The following PACSIN1 variants were observed in gnomAD, a reference collection of about 807,000 sequenced individuals.
PACSIN1 encodes the protein protein kinase C and casein kinase substrate in neurons protein 1.
A neutral mutation model predicts 59.5 loss-of-function variants in PACSIN1; 15 were observed. That is an observed-to-expected ratio of 0.25 (90% confidence interval 0.17 to 0.39). The LOEUF (loss-of-function observed/expected upper bound fraction) is 0.39. Among genes scored for constraint, PACSIN1 ranks in the 10% least tolerant of loss-of-function variants. The pLI is 1.00. For missense variants in PACSIN1, 420 were observed against 580.2 expected, an observed-to-expected ratio of 0.72 and a Z score of 2.84; for synonymous variants, 210 against 220.6, an observed-to-expected ratio of 0.95 and a Z score of 0.42.
chr6:34,529,648 C>G lies in PACSIN1; in HGVS notation c.613-18C>G. The G allele has an allele frequency of 2.5e-6, 4 of 1,613,360 alleles. No homozygotes were observed. The highest frequency in any genetic ancestry group is 3.4e-6 in the Non-Finnish European group (4 of 1,179,422). On this transcript the variant is annotated intron_variant, in intron 5 of 9. Coordinates refer to ENST00000244458, the MANE Select transcript of PACSIN1 (RefSeq NM_020804.5). The surrounding 1 kb of genome is among the most constrained non-coding windows in gnomAD (Gnocchi z 6.3). ...GGCCTGGCTAGGTGTCACCCTCTCTCCACTCTGGTGCCCACAGACACAGGA... is the reference window on the plus strand; with the variant it reads ...GGCCTGGCTAGGTGTCACCCTCTCTGCACTCTGGTGCCCACAGACACAGGA...
At position 34,519,164 on chromosome 6, in the gene PACSIN1, G is replaced by A. The variant is rs538795220; in HGVS notation, c.-63-7079G>A. Among the ~76,000 whole-genome samples, 324 of 152,212 alleles carry A rather than the reference G, an allele frequency of 2.1e-3. 3 individuals are homozygous for A. Among genetic ancestry groups the A allele is most frequent in the African/African-American group, 7.3e-3 (304 of 41,546 alleles). ...GTGCCTGAGGCTGTGTCTGAGGCTC[G>A]CCTGTTCTCACAGGTGGGCCACCAA... On this transcript the variant is annotated intron_variant, in intron 1 of 9. Coordinates refer to ENST00000244458, the MANE Select transcript of PACSIN1 (RefSeq NM_020804.5).
intron 1 of PACSIN1, among the ~76,000 whole-genome samples, chr6:34,517,170 A>T (rs1439520315): frequency 6.6e-6 from 1 of 151,826 alleles, no homozygotes; most frequent in African/African-American, 2.4e-5. Flanking sequence ...TTCTCATCTC[A>T]CCGCCACATC....
chr6:34,530,712 G>A lies in PACSIN1; in HGVS notation c.1037+125G>A, dbSNP rs1020624914. 2 of 1,058,128 alleles carry A rather than the reference G, an allele frequency of 1.9e-6. No individual in the cohort carries two copies. The highest frequency in any genetic ancestry group is 2.5e-6 in the Non-Finnish European group (2 of 792,182). 65.5% of individuals were successfully genotyped at this position (1,058,128 alleles called of 1,614,324 possible). On this transcript the variant is annotated intron_variant, in intron 8 of 9. Transcript: ENST00000244458. The surrounding 1 kb of genome is among the most constrained non-coding windows in gnomAD (Gnocchi z 4.4). ...AACTATGTCTCCTCTCTAAAAGATAGTGGTAGTTCATCACTCTAAAGCAGC... is the reference window on the plus strand; with the variant it reads ...AACTATGTCTCCTCTCTAAAAGATAATGGTAGTTCATCACTCTAAAGCAGC...
At chr6:34,479,310 A>G (rs1312951581) in intron 1 of PACSIN1, among the ~76,000 whole-genome samples, 1 of 151,926 alleles carries the variant, frequency 6.6e-6, no homozygotes, top group Non-Finnish European at 1.5e-5. Flanking sequence ...TCCCCATCAC[A>G]AGCCCCTCCC....
intron 1 of PACSIN1, among the ~76,000 whole-genome samples, chr6:34,474,790 G>GAAAAAA (rs60232588): frequency 1.3e-5 from 1 of 78,324 alleles, no homozygotes; most frequent in Non-Finnish European, 2.2e-5. Flanking sequence ...CTCTGTCTCA[G>GAAAAAA]AAAAAAAAAA....
chr6:34,466,428 C>CGGGGATGCCTTCA (rs1766497524), intron 1 of PACSIN1, among the ~76,000 whole-genome samples, 158 bp downstream of exon 1: 1 of 152,204 alleles, frequency 6.6e-6, no homozygotes, highest in Non-Finnish European at 1.5e-5. Context: ...GGTGCGCGTT[C>CGGGGATGCCTTCA]GGGGATGCCT....
intron 1 of PACSIN1, among the ~76,000 whole-genome samples, chr6:34,506,045 T>C (rs1767108823): frequency 6.6e-6 from 1 of 152,182 alleles, no homozygotes; most frequent in African/African-American, 2.4e-5. Context: ...GCTTTCTATT[T>C]TTCATTTGTT....
At chr6:34,497,482 G>C (rs1766965003) in intron 1 of PACSIN1, among the ~76,000 whole-genome samples, 1 of 152,142 alleles carries the variant, frequency 6.6e-6, no homozygotes, top group Non-Finnish European at 1.5e-5. Context: ...GTCAGCTGCT[G>C]CAACAATTGG....
intron 1 of PACSIN1, among the ~76,000 whole-genome samples, chr6:34,468,965 C>T (rs559184766): frequency 6.6e-6 from 1 of 152,336 alleles, no homozygotes; most frequent in African/African-American, 2.4e-5. Flanking sequence ...TTGCATTCGT[C>T]TCCCATTAGG....
chr6:34,473,945 T>C (rs1766605001), intron 1 of PACSIN1, among the ~76,000 whole-genome samples: 1 of 152,222 alleles, frequency 6.6e-6, no homozygotes, highest in South Asian at 2.1e-4. Flanking sequence ...TCACTTAGTA[T>C]TCACATTCCC....
chr6:34,526,277 G>A lies in PACSIN1; in HGVS notation c.-29G>A, dbSNP rs370901580. Reference sequence around the variant, plus strand: ...AGCCGAGCCTGCTAACCGCAGCTCCGCACTTGTCCATCCCCCTGCGGCTAC... The same window carrying A: ...AGCCGAGCCTGCTAACCGCAGCTCCACACTTGTCCATCCCCCTGCGGCTAC... On this transcript the variant is annotated 5_prime_UTR_variant, in exon 2 of 10. Transcript: ENST00000244458. 6.2e-6 allele frequency: 10 copies of A among 1,604,496 alleles called. No homozygotes were observed. Among genetic ancestry groups the A allele is most frequent in the South Asian group, 2.2e-5 (2 of 90,910 alleles).
rs544863417 is a variant in PACSIN1, at chr6:34,516,203, C to T, written c.-63-10040C>T. Among the ~76,000 whole-genome samples the T allele has an allele frequency of 1.7e-4, 26 of 152,258 alleles. No individual in the cohort carries two copies. Among genetic ancestry groups the T allele is most frequent in the Non-Finnish European group, 2.9e-4 (20 of 68,004 alleles). ...GTGTGGGGTGTCCCCTTCCCATGGGCACTCGGGTCAGAGGGCCTGGTGCAG... is the reference window on the plus strand; with the variant it reads ...GTGTGGGGTGTCCCCTTCCCATGGGTACTCGGGTCAGAGGGCCTGGTGCAG... On this transcript the variant is annotated intron_variant, in intron 1 of 9. Transcript: ENST00000244458. This position sits in a 1 kb window ranked among gnomAD's most constrained non-coding sequence, Gnocchi z 5.4.
At position 34,532,695 on chromosome 6, in the gene PACSIN1, A is replaced by T. The variant is rs1050217504; in HGVS notation, c.*165A>T. On this transcript the variant is annotated 3_prime_UTR_variant, in exon 10 of 10. Transcript: ENST00000244458. The surrounding 1 kb of genome is among the most constrained non-coding windows in gnomAD (Gnocchi z 5.2). Reference sequence around the variant, plus strand: ...AAAACAAAGTATGCAGAGACAGAGCATTTGCAGGGCCACCTGGAGGCTGGG... The same window carrying T: ...AAAACAAAGTATGCAGAGACAGAGCTTTTGCAGGGCCACCTGGAGGCTGGG... 3 of 591,006 alleles carry T rather than the reference A, an allele frequency of 5.1e-6. No homozygotes were observed. The highest frequency in any genetic ancestry group is 9.1e-6 in the Non-Finnish European group (3 of 331,120). 36.6% of individuals were successfully genotyped at this position (591,006 alleles called of 1,614,324 possible).
At chr6:34,483,430 G>A (rs1245450069) in intron 1 of PACSIN1, among the ~76,000 whole-genome samples, 1 of 152,128 alleles carries the variant, frequency 6.6e-6, no homozygotes, top group Non-Finnish European at 1.5e-5. Flanking sequence ...TAATGCTGTG[G>A]GACAGAGGAG....
At chr6:34,528,912 T>TGGGGG in intron 4 of PACSIN1, 35 bp downstream of exon 4, 4 of 464,336 alleles carry the variant, frequency 8.6e-6, no homozygotes, top group East Asian at 5.4e-5. Context: ...CGGGGTGGGG[T>TGGGGG]GGGCCCGTCT....
rs1015574747 is a variant in PACSIN1 at position 34,518,194 on chromosome 6, G to T, written c.-63-8049G>T. Among the ~76,000 whole-genome samples the T allele has an allele frequency of 6.6e-6, 1 of 152,222 alleles. No homozygotes were observed. The highest frequency in any genetic ancestry group is 2.1e-4 in the South Asian group (1 of 4,838). On this transcript the variant is annotated intron_variant, in intron 1 of 9. Transcript: ENST00000244458. This position sits in a 1 kb window ranked among gnomAD's most constrained non-coding sequence, Gnocchi z 4.4. ...CCCACCCCAAGCCACTGAAGCGGGA[G>T]GGCCACGGCCCCTTCTTCCTGGTCA... is the stretch of plus-strand genomic sequence containing the variant.
At chr6:34,510,104 G>A (rs1404290306) in intron 1 of PACSIN1, among the ~76,000 whole-genome samples, 2 of 152,210 alleles carry the variant, frequency 1.3e-5, no homozygotes, top group East Asian at 3.9e-4. Flanking sequence ...CCCCTCTGTG[G>A]GTGGGCATTT....
chr6:34,526,276 C>A lies in PACSIN1; in HGVS notation c.-30C>A. The A allele has an allele frequency of 6.2e-7, 1 of 1,601,102 alleles. No homozygotes were observed. Among genetic ancestry groups the A allele is most frequent in the Non-Finnish European group, 8.5e-7 (1 of 1,171,406 alleles). ...CAGCCGAGCCTGCTAACCGCAGCTC[C>A]GCACTTGTCCATCCCCCTGCGGCTA... On this transcript the variant is annotated 5_prime_UTR_variant, in exon 2 of 10. Coordinates refer to ENST00000244458, the MANE Select transcript of PACSIN1 (RefSeq NM_020804.5).
At chr6:34,496,328 G>T (rs1190445149) in intron 1 of PACSIN1, among the ~76,000 whole-genome samples, 2 of 152,192 alleles carry the variant, frequency 1.3e-5, no homozygotes, top group Admixed American at 6.5e-5. Flanking sequence ...TCCCTACAGT[G>T]GGGAGGAGGC....
Sources: allele counts gnomAD v4.1 joint callset (sites outside exome capture counted in the v4.1 genomes callset), GRCh38; gene constraint gnomAD v4.1.1; non-coding constraint Gnocchi (gnomAD v3.1); transcripts MANE v1.5; gene names NCBI Gene and HGNC (gene_info 2026-07-23, HGNC 2026-07-21).